The following ROBO2 variants were observed in gnomAD, a reference collection of about 807,000 sequenced individuals.
The protein encoded by ROBO2 is roundabout guidance receptor 2.
Under a neutral mutation model 160.8 loss-of-function variants are expected in ROBO2, and 53 were observed. That is an observed-to-expected ratio of 0.33 (90% CI 0.26 to 0.41). ROBO2 has a LOEUF of 0.41. ROBO2 is among the 10% of genes least tolerant of loss of function. The probability of loss-of-function intolerance (pLI) is 1.00; values close to 1 mark genes in which losing one functional copy is unlikely to be tolerated. For missense variants in ROBO2, 1,577 were observed against 1,722.4 expected (o/e 0.92, Z 1.49); for synonymous variants, 664 against 611.7 (o/e 1.09, Z -1.26).
At chr3:76,726,482 C>A (rs968645908) in intron 2 of ROBO2, among the ~76,000 whole-genome samples, 1 of 151,958 alleles carries the variant, frequency 6.6e-6, no homozygotes, top group African/African-American at 2.4e-5. Context: ...TCTCTGTGTA[C>A]CTTGGGCTGC....
At chr3:77,016,970 A>G (rs543850854) in intron 2 of ROBO2, among the ~76,000 whole-genome samples, 2 of 152,198 alleles carry the variant, frequency 1.3e-5, no homozygotes, top group South Asian at 4.1e-4. Context: ...TTATGATCAG[A>G]TATCAGTAGA....
At chr3:75,918,678 T>A (rs934012476) in intron 1 of ROBO2, among the ~76,000 whole-genome samples, 3 of 152,114 alleles carry the variant, frequency 2.0e-5, no homozygotes, top group Non-Finnish European at 4.4e-5. Context: ...ATGGAATGTT[T>A]CTCTATATGT....
chr3:76,446,930 T>A (rs1426560828), intron 2 of ROBO2, among the ~76,000 whole-genome samples: 3 of 152,054 alleles, frequency 2.0e-5, no homozygotes, highest in African/African-American at 7.2e-5. Context: ...TCTAAAACCA[T>A]AAAAACCCTA....
At chr3:76,685,519 G>A (rs975585231) in intron 2 of ROBO2, among the ~76,000 whole-genome samples, 5 of 151,852 alleles carry the variant, frequency 3.3e-5, no homozygotes, top group African/African-American at 1.2e-4. Flanking sequence ...TTCCAATGGA[G>A]TTTCAACTCA....
At chr3:76,075,242 A>G (rs1328053628) in intron 2 of ROBO2, among the ~76,000 whole-genome samples, 1 of 151,838 alleles carries the variant, frequency 6.6e-6, no homozygotes, top group South Asian at 2.1e-4. Flanking sequence ...CTATACAGTA[A>G]CTTCCAAGGC....
At chr3:76,531,844 T>C (rs1056684521) in intron 2 of ROBO2, among the ~76,000 whole-genome samples, 4 of 152,212 alleles carry the variant, frequency 2.6e-5, no homozygotes, top group Admixed American at 6.6e-5. Context: ...ACCAGGACTA[T>C]GCAGAACGTT....
At chr3:77,125,224 G>A (rs1191031504) in intron 2 of ROBO2, among the ~76,000 whole-genome samples, 9 of 152,106 alleles carry the variant, frequency 5.9e-5, no homozygotes, top group Admixed American at 5.9e-4. Context: ...TATAATAGTT[G>A]TGGTCTGTCT....
intron 2 of ROBO2, among the ~76,000 whole-genome samples, chr3:76,918,528 A>C (rs1457949102): frequency 6.6e-6 from 1 of 152,242 alleles, no homozygotes; most frequent in Admixed American, 6.5e-5. Flanking sequence ...CATCAGTAAT[A>C]AACTGTCAAC....
intron 2 of ROBO2, among the ~76,000 whole-genome samples, chr3:75,966,069 G>A (rs753001750): frequency 5.3e-5 from 8 of 151,652 alleles, no homozygotes; most frequent in Non-Finnish European, 8.9e-5. Context: ...TCACAAGCAT[G>A]TTCATCTTAA....
At chr3:76,592,396 A>G (rs2086469675) in intron 2 of ROBO2, among the ~76,000 whole-genome samples, 1 of 152,112 alleles carries the variant, frequency 6.6e-6, no homozygotes, top group South Asian at 2.1e-4. Flanking sequence ...GATGCTCAAA[A>G]ACAACGTCAA....
At chr3:77,640,426 T>G (rs930828988) in intron 24 of ROBO2, among the ~76,000 whole-genome samples, 1 of 152,316 alleles carries the variant, frequency 6.6e-6, no homozygotes, top group African/African-American at 2.4e-5. Context: ...ATATTTTATA[T>G]AGGATGATCT....
chr3:76,289,059 A>C (rs2107696140), intron 2 of ROBO2, among the ~76,000 whole-genome samples: 1 of 152,316 alleles, frequency 6.6e-6, no homozygotes, highest in African/African-American at 2.4e-5. Flanking sequence ...AAGATCTTTA[A>C]GAAATCTCCA....
At chr3:76,988,642 G>T (rs1008384972) in intron 2 of ROBO2, among the ~76,000 whole-genome samples, 1 of 151,768 alleles carries the variant, frequency 6.6e-6, no homozygotes, top group African/African-American at 2.4e-5. Context: ...ACTTCAATTT[G>T]CTGGTGTTGG....
intron 2 of ROBO2, among the ~76,000 whole-genome samples, chr3:76,554,848 A>G (rs1193137110): frequency 2.6e-5 from 4 of 152,044 alleles, no homozygotes; most frequent in African/African-American, 7.2e-5. Flanking sequence ...ATGAGTTACA[A>G]TCCTACAGTG....
chr3:77,373,306 G>A (rs779791889), intron 2 of ROBO2, among the ~76,000 whole-genome samples: 27 of 151,066 alleles, frequency 1.8e-4, no homozygotes, highest in South Asian at 1.0e-3. Flanking sequence ...ACCTTTTCTC[G>A]TGGTATTCCA....
At chr3:76,601,392 G>T (rs189920627) in intron 2 of ROBO2, among the ~76,000 whole-genome samples, 4 of 152,184 alleles carry the variant, frequency 2.6e-5, no homozygotes, top group African/African-American at 9.7e-5. Context: ...TCTCCATGAG[G>T]TTTCCACCCT....
chr3:77,437,143 T>A (rs933705976), intron 2 of ROBO2, among the ~76,000 whole-genome samples: 2 of 152,034 alleles, frequency 1.3e-5, no homozygotes, highest in Non-Finnish European at 2.9e-5. Context: ...TTTTTGCTTT[T>A]AACCACTAAA....
intron 2 of ROBO2, among the ~76,000 whole-genome samples, chr3:76,157,214 TTAA>T (rs1410221690): frequency 1.3e-5 from 2 of 152,182 alleles, no homozygotes; most frequent in African/African-American, 2.4e-5. Context: ...ATAAAATTTG[TTAA>T]TAATACTTGG....
intron 2 of ROBO2, among the ~76,000 whole-genome samples, chr3:76,990,197 C>T (rs1244411665): frequency 6.6e-6 from 1 of 152,168 alleles, no homozygotes; most frequent in Non-Finnish European, 1.5e-5. Context: ...GTATTTTCTT[C>T]ATCTCTTTCA....
Sources: gnomAD v4.1 joint callset for allele counts (sites outside exome capture counted in the v4.1 genomes callset) on GRCh38, gnomAD v4.1.1 for gene constraint, MANE v1.5 for transcripts, NCBI Gene and HGNC (gene_info 2026-07-23, HGNC 2026-07-21) for gene names.